The following TASP1 variants were observed in gnomAD, a reference collection of about 807,000 sequenced individuals.
TASP1 encodes taspase 1, also known as threonine aspartase 1.
Under a neutral mutation model 56.6 loss-of-function variants are expected in TASP1, and 16 were observed. That is an observed-to-expected ratio of 0.28 (90% confidence interval 0.19 to 0.43). TASP1 has a LOEUF of 0.43. Ranked by LOEUF, TASP1 falls within the 20% of genes least tolerant of loss-of-function variation. TASP1 has a pLI of 1.00. For synonymous variants in TASP1, 179 were observed against 184.2 expected, an observed-to-expected ratio of 0.97 and a Z score of 0.23; for missense variants, 393 against 511.6, an observed-to-expected ratio of 0.77 and a Z score of 2.24.
At chr20:13,575,499 T>C (rs575744461) in intron 6 of TASP1, among the ~76,000 whole-genome samples, 1 of 152,238 alleles carries the variant, frequency 6.6e-6, no homozygotes, top group South Asian at 2.1e-4. Context: ...TGCCATCATG[T>C]AATGTAAGAG....
At chr20:13,128,211 C>T in the TASP1 span, among the ~76,000 whole-genome samples, 10 of 152,198 alleles carry the variant, frequency 6.6e-5, no homozygotes, top group South Asian at 6.2e-4. Context: ...CTGAGGTGAT[C>T]GACAAGTATT....
At chr20:13,549,654 A>C (rs997642561) in intron 8 of TASP1, among the ~76,000 whole-genome samples, 10 of 152,102 alleles carry the variant, frequency 6.6e-5, no homozygotes, top group African/African-American at 2.2e-4. Context: ...CCAGATATGA[A>C]GGCTTCTATC....
chr20:13,316,792 C>T, the TASP1 span, among the ~76,000 whole-genome samples: 2 of 151,336 alleles, frequency 1.3e-5, no homozygotes, highest in Non-Finnish European at 3.0e-5. Context: ...ACTTCCTCAA[C>T]TTGATAAAGA....
intron 8 of TASP1, among the ~76,000 whole-genome samples, chr20:13,540,398 C>T (rs1361642393): frequency 6.6e-6 from 1 of 152,032 alleles, no homozygotes; most frequent in East Asian, 1.9e-4. Flanking sequence ...TAAGTATTTA[C>T]CAAAGAGAAA....
At chr20:13,367,333 T>C in the TASP1 span, among the ~76,000 whole-genome samples, 11 of 152,352 alleles carry the variant, frequency 7.2e-5, no homozygotes, top group African/African-American at 2.2e-4. Context: ...TCTTTGTAAG[T>C]ATAACATGCC....
chr20:13,430,183 C>CT (rs1448764025), intron 12 of TASP1, among the ~76,000 whole-genome samples: 2 of 152,178 alleles, frequency 1.3e-5, no homozygotes, highest in Non-Finnish European at 2.9e-5. Flanking sequence ...AACAGAGCAT[C>CT]TTGATTTGTC....
intron 4 of TASP1, among the ~76,000 whole-genome samples, chr20:13,612,491 A>ACACAC (rs2048380234): frequency 6.9e-6 from 1 of 143,992 alleles, no homozygotes; most frequent in African/African-American, 2.6e-5. Context: ...ATTTGTAGCA[A>ACACAC]ACACACACAC....
At chr20:13,279,545 C>G in the TASP1 span, 1 of 1,305,848 alleles carries the variant, frequency 7.7e-7, no homozygotes, top group Non-Finnish European at 1.1e-6. Context: ...CCATCATTTC[C>G]CTCTGCCCTC....
At chr20:13,527,927 G>T (rs565864385) in intron 10 of TASP1, among the ~76,000 whole-genome samples, 1 of 151,964 alleles carries the variant, frequency 6.6e-6, no homozygotes, top group South Asian at 2.1e-4. Context: ...GAGTTGTATT[G>T]AAAATGTTAG....
At chr20:13,403,259 C>A (rs1362486110) in intron 13 of TASP1, among the ~76,000 whole-genome samples, 1 of 152,062 alleles carries the variant, frequency 6.6e-6, no homozygotes, top group African/African-American at 2.4e-5. Flanking sequence ...TGCATTTTGT[C>A]AAAATGTAAT....
intron 13 of TASP1, among the ~76,000 whole-genome samples, chr20:13,395,699 T>TG (rs1025930052): frequency 3.3e-5 from 5 of 151,458 alleles, no homozygotes; most frequent in African/African-American, 1.2e-4. Flanking sequence ...CTTTCTTTTT[T>TG]TTTTTTTTTT....
intron 4 of TASP1, among the ~76,000 whole-genome samples, chr20:13,596,555 A>G (rs1336260057): frequency 6.6e-6 from 1 of 152,162 alleles, no homozygotes; most frequent in East Asian, 1.9e-4. Context: ...AATTTATAGC[A>G]CTAAATGCCC....
At chr20:13,387,375 T>C (rs181100862), downstream of TASP1, among the ~76,000 whole-genome samples, 6 of 152,094 alleles carry the variant, frequency 3.9e-5, no homozygotes, top group East Asian at 1.2e-3. Context: ...TTGTATTTTT[T>C]AGTAGAGATG....
intron 10 of TASP1, 82 bp from the exon 11 acceptor site, chr20:13,483,419 T>C (rs2043211619): frequency 2.3e-6 from 2 of 864,930 alleles, no homozygotes; most frequent in African/African-American, 1.7e-5. Context: ...AACACCCTTA[T>C]GCATCATTTA....
At chr20:13,213,824 C>T in the TASP1 span, among the ~76,000 whole-genome samples, 1 of 152,118 alleles carries the variant, frequency 6.6e-6, no homozygotes, top group Non-Finnish European at 1.5e-5. Context: ...CAGGCAGTAT[C>T]CCTAGCCCAA....
At chr20:13,533,899 G>A in intron 9 of TASP1, 123 bp downstream of exon 9, 1 of 1,179,028 alleles carries the variant, frequency 8.5e-7, no homozygotes, top group East Asian at 2.4e-5. Context: ...TATACTACAT[G>A]TTAAAAAACA....
At chr20:13,364,897 C>T in the TASP1 span, among the ~76,000 whole-genome samples, 1 of 152,188 alleles carries the variant, frequency 6.6e-6, no homozygotes, top group Admixed American at 6.5e-5. Context: ...CTGGCTACAG[C>T]CACGAATATG....
At chr20:13,264,991 G>A in the TASP1 span, among the ~76,000 whole-genome samples, 3 of 152,190 alleles carry the variant, frequency 2.0e-5, no homozygotes, top group Non-Finnish European at 2.9e-5. Context: ...AAGTCACAGC[G>A]CAGTGTGATA....
the TASP1 span, among the ~76,000 whole-genome samples, chr20:13,125,224 G>A: frequency 2.0e-4 from 30 of 152,146 alleles, no homozygotes; most frequent in African/African-American, 7.0e-4. Flanking sequence ...AAGCTTACTT[G>A]GGACCTTATA....
Sources: gnomAD v4.1 joint callset for allele counts (sites outside exome capture counted in the v4.1 genomes callset) on GRCh38, gnomAD v4.1.1 for gene constraint, MANE v1.5 for transcripts, NCBI Gene and HGNC (gene_info 2026-07-23, HGNC 2026-07-21) for gene names.